The following ADGRG7 variants were observed in gnomAD, a reference collection of about 807,000 sequenced individuals.
ADGRG7 encodes the protein adhesion G protein-coupled receptor G7, also known as G-protein coupled receptor 128.
Under a neutral mutation model 88.6 loss-of-function variants are expected in ADGRG7, and 82 were observed. The ratio of observed to expected loss-of-function variants is 0.93; its 90% CI spans 0.77 to 1.11. ADGRG7 has a LOEUF of 1.11. ADGRG7 is among the 50% of genes most tolerant of loss of function. The pLI, the probability that ADGRG7 is intolerant of heterozygous loss-of-function variation, is 0.00. For synonymous variants in ADGRG7, 381 were observed against 345.2 expected (o/e 1.10, Z -1.15); for missense variants, 945 against 953.4 (o/e 0.99, Z 0.12).
At position 100,655,139 on chromosome 3, in the gene ADGRG7, C is replaced by A; in HGVS notation, c.1684C>A (p.Leu562Ile). 1 of 1,613,038 alleles carries A rather than the reference C, an allele frequency of 6.2e-7. No homozygotes were observed. The highest frequency in any genetic ancestry group is 8.5e-7 in the Non-Finnish European group (1 of 1,179,218). ...CCTTCTAATAAGGACCATGAAGCCT[C>A]TTCCTCGGCATTTCATTCTTTTCAT... ...YYLLIRTMKP[L>I]PRHFILFISL... Residue 562 changes from leucine (L) to isoleucine (I), a missense_variant, in exon 12 of 16, where the codon CTT becomes ATT. Coordinates refer to ENST00000273352, the MANE Select transcript of ADGRG7 (RefSeq NM_032787.3).
At chr3:100,682,008 G>A (rs892824481) in intron 15 of ADGRG7, among the ~76,000 whole-genome samples, 1 of 152,228 alleles carries the variant, frequency 6.6e-6, no homozygotes, top group African/African-American at 2.4e-5. Context: ...GGTATTTATT[G>A]AGATTACTTC....
chr3:100,674,751 G>A (rs546109378), intron 15 of ADGRG7, among the ~76,000 whole-genome samples: 5 of 152,072 alleles, frequency 3.3e-5, no homozygotes, highest in Admixed American at 1.3e-4. Flanking sequence ...CTAATTTTTT[G>A]TATTTTTAGT....
chr3:100,673,068 G>A (rs1183589028), intron 15 of ADGRG7, among the ~76,000 whole-genome samples: 8 of 152,114 alleles, frequency 5.3e-5, no homozygotes. Context: ...GATGATGTTG[G>A]CCTCCTAAAA....
intron 1 of ADGRG7, among the ~76,000 whole-genome samples, chr3:100,616,810 G>T (rs1186863646): frequency 3.3e-5 from 5 of 152,134 alleles, no homozygotes; most frequent in Non-Finnish European, 7.3e-5. Flanking sequence ...GACAGAGGGA[G>T]ATCCTGTCTC....
At position 100,649,779 on chromosome 3, in the gene ADGRG7, C is replaced by G. The variant is rs780412307; in HGVS notation, c.1351C>G (p.Leu451Val). Residue 451 changes from leucine (L) to valine (V), a missense_variant, in exon 11 of 16, where the codon CTC becomes GTC. Coordinates refer to ENST00000273352, the MANE Select transcript of ADGRG7 (RefSeq NM_032787.3). ...TGCACTGTCTGTTACTGGTCTGGCT[C>G]TCACAGTTATATTTCAGATTGTCAC... ...GCALSVTGLA[L>V]TVIFQIVTRK... 1 of 1,606,768 alleles carries G rather than the reference C, an allele frequency of 6.2e-7. No homozygotes were observed. The highest frequency in any genetic ancestry group is 8.5e-7 in the Non-Finnish European group (1 of 1,173,994).
At chr3:100,612,869 G>A (rs1559667398) in intron 1 of ADGRG7, among the ~76,000 whole-genome samples, 1 of 152,072 alleles carries the variant, frequency 6.6e-6, no homozygotes, top group Non-Finnish European at 1.5e-5. Context: ...TGACTTCATA[G>A]CATTGATAAT....
chr3:100,684,946 G>C (rs967812588), intron 15 of ADGRG7, among the ~76,000 whole-genome samples: 4 of 151,612 alleles, frequency 2.6e-5, no homozygotes, highest in Admixed American at 6.6e-5. Context: ...TCATGTTGTG[G>C]TTAAGTTATA....
chr3:100,632,135 A>G (rs1196560620), intron 3 of ADGRG7, among the ~76,000 whole-genome samples: 1 of 152,166 alleles, frequency 6.6e-6, no homozygotes, highest in Non-Finnish European at 1.5e-5. Context: ...ACAAAACATA[A>G]CTGTGCTACT....
In ADGRG7 at chr3:100,641,942, G is replaced by T. The variant is rs542317180; in HGVS notation, c.699-1324G>T. ...ATCTGATGACTTATTTTAGTCAATT[G>T]TGCCAGGTGGATGACCACTTTCTGG... is the stretch of plus-strand genomic sequence containing the variant. On this transcript the variant is annotated intron_variant, in intron 6 of 15. Coordinates refer to ENST00000273352, the MANE Select transcript of ADGRG7 (RefSeq NM_032787.3). 2.0e-5 allele frequency among the ~76,000 whole-genome samples: 3 copies of T among 152,276 alleles called. No homozygotes were observed. The South Asian group carries it at 6.2e-4, about 32-fold the overall frequency.
chr3:100,640,788 T>C (rs1829551), intron 6 of ADGRG7, among the ~76,000 whole-genome samples: 48,375 of 151,946 alleles, frequency 0.32, 8,416 homozygotes, highest in South Asian at 0.47. Context: ...TCCTAGACTG[T>C]TGGGGTTATA....
At chr3:100,660,328 AG>A (rs2094943508) in intron 14 of ADGRG7, among the ~76,000 whole-genome samples, 1 of 152,130 alleles carries the variant, frequency 6.6e-6, no homozygotes, top group Non-Finnish European at 1.5e-5. Context: ...TTTTTGAGAC[AG>A]GGTCTTGCTC....
At chr3:100,631,515 C>G (rs1183123729) in intron 3 of ADGRG7, among the ~76,000 whole-genome samples, 1 of 152,070 alleles carries the variant, frequency 6.6e-6, no homozygotes, top group Non-Finnish European at 1.5e-5. Flanking sequence ...AATGTTTTAC[C>G]TGTCCCTTGT....
At chr3:100,612,233 A>C (rs1249746714) in intron 1 of ADGRG7, among the ~76,000 whole-genome samples, 1 of 152,164 alleles carries the variant, frequency 6.6e-6, no homozygotes, top group East Asian at 1.9e-4. Flanking sequence ...AAAATTTCAA[A>C]TTCTGCTCTG....
chr3:100,634,451 G>C (rs990016619), intron 4 of ADGRG7, among the ~76,000 whole-genome samples: 1 of 152,062 alleles, frequency 6.6e-6, no homozygotes, highest in African/African-American at 2.4e-5. Context: ...ACCATAAATA[G>C]GTATTAATGT....
chr3:100,668,364 C>T (rs1184007572), intron 14 of ADGRG7, among the ~76,000 whole-genome samples: 1 of 152,212 alleles, frequency 6.6e-6, no homozygotes, highest in Admixed American at 6.5e-5. Context: ...CCAGCCCAGG[C>T]TTCTTAACAT....
At chr3:100,613,663 A>G (rs1486051094) in intron 1 of ADGRG7, among the ~76,000 whole-genome samples, 1 of 152,194 alleles carries the variant, frequency 6.6e-6, no homozygotes, top group Non-Finnish European at 1.5e-5. Context: ...TAAAGTGTTG[A>G]TTCCATTTTA....
chr3:100,687,070 T>C (rs1168930434), intron 15 of ADGRG7, among the ~76,000 whole-genome samples: 5 of 152,224 alleles, frequency 3.3e-5, no homozygotes, highest in Non-Finnish European at 7.3e-5. Context: ...CAGTGGTTTG[T>C]AGTTCTTCTT....
intron 8 of ADGRG7, among the ~76,000 whole-genome samples, chr3:100,645,026 GC>G (rs1259005197): frequency 6.6e-6 from 1 of 152,212 alleles, no homozygotes; most frequent in East Asian, 1.9e-4. Flanking sequence ...GGCTGTCGGG[GC>G]CTTGCCTGTC....
intron 13 of ADGRG7, 65 bp from the exon 14 acceptor site, chr3:100,659,623 T>C (rs2094942435): frequency 1.4e-6 from 2 of 1,405,218 alleles, no homozygotes; most frequent in Non-Finnish European, 2.0e-6. Context: ...ATAGTGTTAA[T>C]AGCACAAAGA....
Sources: allele counts gnomAD v4.1 joint callset (sites outside exome capture counted in the v4.1 genomes callset), GRCh38; gene constraint gnomAD v4.1.1; transcripts MANE v1.5; gene names NCBI Gene and HGNC (gene_info 2026-07-23, HGNC 2026-07-21).